ADAMTSL1: variants seen among roughly 807,000 people sequenced by gnomAD.
ADAMTSL1 encodes the protein ADAMTS-like protein 1.
A neutral mutation model predicts 201.8 loss-of-function variants in ADAMTSL1; 126 were observed. The observed-to-expected ratio is 0.62, with a 90% CI of 0.54 to 0.72. The LOEUF (loss-of-function observed/expected upper bound fraction) is 0.72, where lower values mean the gene tolerates loss of function less well. Ranked by LOEUF, ADAMTSL1 falls within the 30% of genes least tolerant of loss-of-function variation. ADAMTSL1 has a pLI of 0.00. For missense variants in ADAMTSL1, 2,679 were observed against 2,277.8 expected (o/e 1.18, Z -3.59); for synonymous variants, 1,121 against 903.4 (o/e 1.24, Z -4.32).
chr9:18,074,387 T>C (rs920840772), intron 1 of ADAMTSL1, among the ~76,000 whole-genome samples: 2 of 152,210 alleles, frequency 1.3e-5, no homozygotes, highest in African/African-American at 2.4e-5. Context: ...GTATGTTGTC[T>C]GTTCTCAGGT....
Position 18,488,513 on chromosome 9 carries a change from A to C in ADAMTSL1, c.63+14218A>C, listed in dbSNP as rs1282995739. ...ACCACAGAAATAGTGGTTAAGAGAT[A>C]GACTGCCTGGATTTCAACCCTGGTT... On this transcript the variant is annotated intron_variant, in intron 1 of 28. Coordinates refer to ENST00000380548, the MANE Select transcript of ADAMTSL1 (RefSeq NM_001040272.6). Among the ~76,000 whole-genome samples, 5 of 152,210 alleles carry C rather than the reference A, an allele frequency of 3.3e-5. 1 individual carries two copies. The highest frequency in any genetic ancestry group is 4.1e-4 in the South Asian group (2 of 4,830).
chr9:18,504,423 G>C (rs1003519309), intron 1 of ADAMTSL1, among the ~76,000 whole-genome samples: 3 of 152,210 alleles, frequency 2.0e-5, no homozygotes, highest in African/African-American at 7.2e-5. Flanking sequence ...AAGCAGTTTA[G>C]TGTGCACATG....
At chr9:18,890,609 C>A in intron 25 of ADAMTSL1, 3 of 455,948 alleles carry the variant, frequency 6.6e-6, no homozygotes, top group South Asian at 4.6e-5. Flanking sequence ...ATGAAACATG[C>A]TCATTAATAT....
At chr9:18,680,796 G>A (rs1433568900) in intron 11 of ADAMTSL1, 1 of 428,022 alleles carries the variant, frequency 2.3e-6, no homozygotes, top group Non-Finnish European at 4.3e-6. Context: ...CCTTTCAAGG[G>A]TAATTGAGGC....
chr9:18,050,506 C>G (rs1586949221), intron 1 of ADAMTSL1, among the ~76,000 whole-genome samples: 1 of 152,282 alleles, frequency 6.6e-6, no homozygotes, highest in East Asian at 1.9e-4. Flanking sequence ...ATTGGTCCAG[C>G]TGCTTCCATA....
intron 1 of ADAMTSL1, among the ~76,000 whole-genome samples, chr9:18,083,617 C>A (rs1354124949): frequency 6.6e-6 from 1 of 152,200 alleles, no homozygotes. Context: ...AAGACAGACT[C>A]ACAGTCATCT....
intron 2 of ADAMTSL1, among the ~76,000 whole-genome samples, chr9:18,311,448 C>G (rs1294587875): frequency 1.3e-5 from 2 of 152,126 alleles, no homozygotes; most frequent in African/African-American, 4.8e-5. Context: ...GTGTTTTCCA[C>G]TCCAGAGTAT....
In ADAMTSL1 at chr9:18,224,516, A is replaced by G. The variant is rs148804271; in HGVS notation, c.207+60535A>G. Among the ~76,000 whole-genome samples the G allele has an allele frequency of 1.3e-3, 191 of 152,270 alleles. 8 individuals are homozygous for G. The South Asian group carries it at 0.029, about 23-fold the overall frequency. ...GAGACAAAAATATTCACATCATAAC[A>G]TTCTGCTGCTGGCCCCCCCAAATTT... On this transcript the variant is annotated intron_variant, in intron 2 of 29. Transcript: ENST00000680146.
At chr9:18,349,405 T>C (rs575114613) in intron 2 of ADAMTSL1, among the ~76,000 whole-genome samples, 1 of 152,296 alleles carries the variant, frequency 6.6e-6, no homozygotes, top group East Asian at 1.9e-4. Flanking sequence ...TGCCCTCTTT[T>C]CAGGTGTCAG....
intron 2 of ADAMTSL1, among the ~76,000 whole-genome samples, chr9:18,300,182 T>C (rs1833647895): frequency 6.6e-6 from 1 of 152,194 alleles, no homozygotes; most frequent in Admixed American, 6.5e-5. Flanking sequence ...TGCAGCACTA[T>C]TCACTATAGC....
chr9:18,209,640 A>C (rs1829790197), intron 2 of ADAMTSL1, among the ~76,000 whole-genome samples: 1 of 152,188 alleles, frequency 6.6e-6, no homozygotes, highest in Non-Finnish European at 1.5e-5. Flanking sequence ...GATCTTTAAG[A>C]AATGCAAGTT....
intron 2 of ADAMTSL1, among the ~76,000 whole-genome samples, chr9:18,531,622 A>G (rs11795292): frequency 6.6e-6 from 1 of 152,154 alleles, no homozygotes; most frequent in Non-Finnish European, 1.5e-5. Flanking sequence ...TTGTCAGATG[A>G]CATTTTCCTT....
chr9:18,889,679 C>A lies in ADAMTSL1; in HGVS notation c.4574C>A (p.Ala1525Asp). Residue 1525 changes from alanine (A) to aspartate (D), a missense_variant, in exon 25 of 29, where the codon GCC (alanine) becomes GAC (aspartate). By Grantham distance (126) the Ala-to-Asp change is moderately radical (BLOSUM62 -2). Transcript: ENST00000380548. ...CLLNSTEVNP[A>D]HCAGKVRPAV... ...CTGAACAGCACGGAGGTCAACCCTG[C>A]CCACTGCGCAGGGAAGGTTCGCCCT... is the stretch of plus-strand genomic sequence containing the variant. 1 of 1,603,128 alleles carries A rather than the reference C, an allele frequency of 6.2e-7. No individual in the cohort carries two copies.
chr9:18,236,738 C>A (rs910632295), intron 2 of ADAMTSL1, among the ~76,000 whole-genome samples: 1 of 152,004 alleles, frequency 6.6e-6, no homozygotes, highest in Non-Finnish European at 1.5e-5. Flanking sequence ...ATATTTTCAG[C>A]GAAGAAAAAT....
rs949713130 is a variant in ADAMTSL1 at position 18,237,211 on chromosome 9, A to G, written c.207+73230A>G. Among the ~76,000 whole-genome samples the G allele has an allele frequency of 2.6e-5, 4 of 152,286 alleles. No individual in the cohort carries two copies. In the East Asian group the frequency reaches 5.8e-4, roughly 22 times the overall value. On this transcript the variant is annotated intron_variant, in intron 2 of 29. Transcript: ENST00000680146. ...CACATGGCAGACCATGAGCTCTCCA[A>G]TGTGGGAGATGGGCCCACCTGGCTG...
chr9:18,233,621 C>G (rs1437059974), intron 2 of ADAMTSL1, among the ~76,000 whole-genome samples: 1 of 151,214 alleles, frequency 6.6e-6, no homozygotes, highest in African/African-American at 2.5e-5. Flanking sequence ...AGACAGCAGA[C>G]AAAGAGATGA....
chr9:18,003,588 T>A (rs1300220272), intron 1 of ADAMTSL1, among the ~76,000 whole-genome samples: 1 of 152,102 alleles, frequency 6.6e-6, no homozygotes, highest in East Asian at 1.9e-4. Flanking sequence ...GTAGTGTGGA[T>A]GCTTGATGAT....
chr9:18,505,196 T>G (rs2131935137), intron 2 of ADAMTSL1, among the ~76,000 whole-genome samples: 1 of 152,330 alleles, frequency 6.6e-6, no homozygotes. Flanking sequence ...ATAGAGAAAC[T>G]TATCATCTTT....
At chr9:18,812,692 T>G (rs1466910306) in intron 20 of ADAMTSL1, among the ~76,000 whole-genome samples, 2 of 152,204 alleles carry the variant, frequency 1.3e-5, no homozygotes, top group African/African-American at 4.8e-5. Context: ...CATTTAAATC[T>G]TTGATCCATT....
Sources: gnomAD v4.1 joint callset for allele counts (sites outside exome capture counted in the v4.1 genomes callset) on GRCh38, gnomAD v4.1.1 for gene constraint, MANE v1.5 for transcripts, NCBI Gene and HGNC (gene_info 2026-07-23, HGNC 2026-07-21) for gene names.